The following FAIM2 variants were observed in gnomAD, a reference collection of about 807,000 sequenced individuals.
FAIM2 encodes the protein protein lifeguard 2.
FAIM2 carries 27 observed loss-of-function variants against 47.4 expected under a neutral mutation model. That is an observed-to-expected ratio of 0.57 (90% confidence interval 0.42 to 0.78). The LOEUF is 0.78. Among genes scored for constraint, FAIM2 ranks in the 30% least tolerant of loss-of-function variants. The pLI is 0.00. For missense variants in FAIM2, 311 were observed against 389.4 expected (o/e 0.80, Z 1.69); for synonymous variants, 156 against 159.3 (o/e 0.98, Z 0.16).
intron 11 of FAIM2, among the ~76,000 whole-genome samples, chr12:49,872,781 T>C (rs1020156315): frequency 2.0e-5 from 3 of 152,206 alleles, no homozygotes; most frequent in Non-Finnish European, 4.4e-5. Flanking sequence ...GGGCAGAGCA[T>C]TTAATCTCTC....
chr12:49,900,002 C>T (rs969147810), intron 2 of FAIM2, among the ~76,000 whole-genome samples: 7 of 152,320 alleles, frequency 4.6e-5, no homozygotes, highest in Admixed American at 2.0e-4. Context: ...GGCCTGAAGA[C>T]CCTTGCCCTC....
intron 11 of FAIM2, among the ~76,000 whole-genome samples, chr12:49,887,108 G>A (rs1318664348): frequency 6.6e-6 from 1 of 152,034 alleles, no homozygotes; most frequent in Non-Finnish European, 1.5e-5. Context: ...CCCCTCCCCT[G>A]GAGGAAGGGA....
intron 10 of FAIM2, among the ~76,000 whole-genome samples, chr12:49,888,755 C>T (rs1206635596): frequency 2.0e-5 from 3 of 152,210 alleles, no homozygotes; most frequent in Non-Finnish European, 4.4e-5. Flanking sequence ...CTTCAAGGCC[C>T]CTCTGGGTCT....
At chr12:49,885,851 G>C (rs1433543326) in intron 11 of FAIM2, among the ~76,000 whole-genome samples, 1 of 152,128 alleles carries the variant, frequency 6.6e-6, no homozygotes, top group African/African-American at 2.4e-5. Context: ...CTGCTGACCA[G>C]GCATCTGGGC....
chr12:49,890,040 G>A, intron 8 of FAIM2, 77 bp downstream of exon 8: 1 of 1,439,050 alleles, frequency 6.9e-7, no homozygotes, highest in Non-Finnish European at 9.8e-7. Flanking sequence ...GTGTGGGGCA[G>A]CTCCCCTCGG....
intron 11 of FAIM2, among the ~76,000 whole-genome samples, chr12:49,880,906 C>T: frequency 7.2e-6 from 1 of 138,180 alleles, no homozygotes; most frequent in East Asian, 2.2e-4. Flanking sequence ...GTGTGTCTCT[C>T]TGGATGTGCT....
chr12:49,887,368 G>T lies in FAIM2; in HGVS notation c.801+18C>A, dbSNP rs1200346216. 6.2e-7 allele frequency: 1 copy of T among 1,606,000 alleles called. No homozygotes were observed. Among genetic ancestry groups the T allele is most frequent in the Non-Finnish European group, 8.5e-7 (1 of 1,175,478 alleles). ...GGATGCTGGGAAGGAGGCTGCCAAG[G>T]AGCTAGACCACACTCACCAATGTAA... On this transcript the variant is annotated intron_variant, in intron 11 of 11. Transcript: ENST00000320634.
chr12:49,890,097 C>T lies in FAIM2; in HGVS notation c.563+20G>A, dbSNP rs199703900. 20 of 1,613,226 alleles carry T rather than the reference C, an allele frequency of 1.2e-5. No homozygotes were observed. The African/African-American group carries it at 2.1e-4, about 17-fold the overall frequency. On this transcript the variant is annotated intron_variant, in intron 8 of 11. Transcript: ENST00000320634. ...AAGCCTGGCCTATGGTCCTTCTCTC[C>T]TTCCACCTGTTCCCTTTACCTGGAC...
chr12:49,898,782 C>A (rs1265284035), intron 2 of FAIM2, among the ~76,000 whole-genome samples: 2 of 152,142 alleles, frequency 1.3e-5, no homozygotes, highest in Non-Finnish European at 2.9e-5. Context: ...CCTGCCTTGG[C>A]CTCCAAAAGT....
At chr12:49,880,172 G>GTGTGCA (rs1555158437) in intron 11 of FAIM2, among the ~76,000 whole-genome samples, 1 of 134,658 alleles carries the variant, frequency 7.4e-6, no homozygotes, top group Non-Finnish European at 1.6e-5. Flanking sequence ...GTGTGTATGT[G>GTGTGCA]TGTGTATGCA....
At position 49,901,296 on chromosome 12, in the gene FAIM2, G is replaced by A. The variant is rs144515652; in HGVS notation, c.45C>T (p.Thr15=). The part of the protein sequence containing the change: ...KLSVANKAPG[T]EGQQQVHGEK... ...CGCCATGCACCTGCTGCTGCCCCTC[G>A]GTCCCAGGGGCCTTGTTAGCCACGG... Residue 15 remains threonine (T), a synonymous_variant, in exon 2 of 12, where the codon ACC becomes ACT. Transcript: ENST00000320634. The A allele has an allele frequency of 1.9e-4, 308 of 1,598,056 alleles. 1 individual carries two copies. The highest frequency in any genetic ancestry group is 6.5e-4 in the East Asian group (28 of 43,362).
rs1320332565 is a variant in FAIM2, at chr12:49,876,068, T to C, written c.802-5415A>G. ...TGTATGAAAGAGCCATGTGTGGTCA[T>C]ACGAGAAAGGGCATGAGTCCAGTAT... On this transcript the variant is annotated intron_variant, in intron 11 of 11. Coordinates refer to ENST00000320634, the MANE Select transcript of FAIM2 (RefSeq NM_012306.4). Among the ~76,000 whole-genome samples, 3 of 152,170 alleles carry C rather than the reference T, an allele frequency of 2.0e-5. No homozygotes were observed. The East Asian group carries it at 5.8e-4, about 29-fold the overall frequency.
Position 49,897,527 on chromosome 12 carries a change from A to G in FAIM2, c.372T>C (p.Phe124=). Residue 124 remains phenylalanine (F), a synonymous_variant, in exon 4 of 12, where the codon TTT becomes TTC. Coordinates refer to ENST00000320634, the MANE Select transcript of FAIM2 (RefSeq NM_012306.4). ...CCATGCTGCCAACTCACCAGAAAGT[A>G]AAGAGAGCCACGACAGCCAAGGTCA... ...LLVTLAVVAL[F]TFCDPVKDYV... 1 of 1,614,060 alleles carries G rather than the reference A, an allele frequency of 6.2e-7. No individual in the cohort carries two copies. The highest frequency in any genetic ancestry group is 8.5e-7 in the Non-Finnish European group (1 of 1,179,942).
At position 49,901,264 on chromosome 12, in the gene FAIM2, T is replaced by C; in HGVS notation, c.77A>G (p.Lys26Arg). 1.2e-6 allele frequency: 2 copies of C among 1,609,994 alleles called. No homozygotes were observed. Among genetic ancestry groups the C allele is most frequent in the East Asian group, 2.3e-5 (1 of 44,338 alleles). The change falls in exon 2 of 12, where the codon AAG becomes AGG. Residue 26 changes from lysine to arginine, a missense_variant. Transcript: ENST00000320634. ...GGCTGAGGGCACTGCTGGAGCCTCC[T>C]TCTTCTCGCCATGCACCTGCTGCTG... is the stretch of plus-strand genomic sequence containing the variant. ...EGQQQVHGEK[K>R]EAPAVPSAPP... is the part of the protein sequence containing the mutation.
intron 11 of FAIM2, among the ~76,000 whole-genome samples, chr12:49,880,724 ATG>A (rs767319926): frequency 1.2e-3 from 76 of 62,070 alleles, no homozygotes; most frequent in Non-Finnish European, 1.7e-3. Flanking sequence ...ATGCGTGTAT[ATG>A]TGTGTGTGTA....
At chr12:49,877,604 C>A (rs1197560240) in intron 11 of FAIM2, among the ~76,000 whole-genome samples, 1 of 152,296 alleles carries the variant, frequency 6.6e-6, no homozygotes, top group African/African-American at 2.4e-5. Context: ...GCATATATCG[C>A]CATCCCCACT....
At chr12:49,901,932 G>A (rs561167118) in intron 1 of FAIM2, 1 of 152,936 alleles carries the variant, frequency 6.5e-6, no homozygotes, top group Non-Finnish European at 1.5e-5. Context: ...CAGAAAAGAA[G>A]AAGGGCCTTC....
intron 2 of FAIM2, among the ~76,000 whole-genome samples, chr12:49,899,110 C>G (rs1946963091): frequency 6.6e-6 from 1 of 152,106 alleles, no homozygotes; most frequent in African/African-American, 2.4e-5. Context: ...AAGTTACTGG[C>G]CTTCCCTGAG....
intron 10 of FAIM2, 27 bp from the exon 11 acceptor site, chr12:49,887,466 G>A: frequency 1.2e-6 from 2 of 1,604,134 alleles, no homozygotes; most frequent in Non-Finnish European, 8.5e-7. Context: ...ATGGGCTTAG[G>A]GACGACAAGA....
Sources: gnomAD v4.1 joint callset for allele counts (sites outside exome capture counted in the v4.1 genomes callset) on GRCh38, gnomAD v4.1.1 for gene constraint, MANE v1.5 for transcripts, NCBI Gene and HGNC (gene_info 2026-07-23, HGNC 2026-07-21) for gene names.